Variants in TMEM232 observed in about 807,000 individuals in gnomAD.
TMEM232 encodes the protein transmembrane protein 232.
A neutral mutation model predicts 78.8 loss-of-function variants in TMEM232; 80 were observed. That is an observed-to-expected ratio of 1.01 (90% CI 0.85 to 1.22). The LOEUF is 1.22. TMEM232 is among the 50% of genes most tolerant of loss of function. TMEM232 has a pLI of 0.00. For missense variants in TMEM232, 881 were observed against 742.2 expected, an observed-to-expected ratio of 1.19 and a Z score of -2.17; for synonymous variants, 297 against 254.3, an observed-to-expected ratio of 1.17 and a Z score of -1.60.
In TMEM232 at chr5:110,518,980, T is replaced by C. The variant is rs143974548; in HGVS notation, c.1703+9608A>G. Among the ~76,000 whole-genome samples the C allele has an allele frequency of 8.0e-3, 1,186 of 147,934 alleles. 10 individuals are homozygous for C. The highest frequency in any genetic ancestry group is 9.1e-3 in the Non-Finnish European group (608 of 66,736). ...AAATAGATTTAGCATCTAGCTAAAC[T>C]AGCTAAGGTGAATAAAAAGAAAAAA... On this transcript the variant is annotated intron_variant, in intron 12 of 13. Coordinates refer to ENST00000455884, the MANE Select transcript of TMEM232 (RefSeq NM_001039763.4).
intron 12 of TMEM232, chr5:110,429,845 A>C (rs1183053651): frequency 6.6e-6 from 1 of 151,784 alleles, no homozygotes; most frequent in Non-Finnish European, 1.5e-5. Flanking sequence ...GATTTCAAAC[A>C]CAACTTGTTC....
intron 12 of TMEM232, among the ~76,000 whole-genome samples, chr5:110,507,351 C>T (rs551815114): frequency 1.3e-5 from 2 of 152,314 alleles, no homozygotes; most frequent in East Asian, 3.9e-4. Flanking sequence ...GCAAGTGCTA[C>T]ATGATGACTG....
intron 12 of TMEM232, among the ~76,000 whole-genome samples, chr5:110,442,646 T>C (rs1296660084): frequency 6.6e-6 from 1 of 152,088 alleles, no homozygotes; most frequent in Non-Finnish European, 1.5e-5. Context: ...GTTTGTTTGC[T>C]GAAGTCACAG....
At chr5:110,658,048 G>A (rs1789323951) in intron 2 of TMEM232, among the ~76,000 whole-genome samples, 1 of 152,072 alleles carries the variant, frequency 6.6e-6, no homozygotes, top group African/African-American at 2.4e-5. Flanking sequence ...GAATGTTTGA[G>A]GAATTCAGGG....
chr5:110,737,413 G>C (rs1055197037), intron 1 of TMEM232, among the ~76,000 whole-genome samples: 5 of 152,012 alleles, frequency 3.3e-5, no homozygotes, highest in African/African-American at 1.2e-4. Flanking sequence ...CTAAGATTTT[G>C]GAGTCAAAAA....
At chr5:110,666,241 T>C (rs1308449727) in intron 2 of TMEM232, among the ~76,000 whole-genome samples, 1 of 152,184 alleles carries the variant, frequency 6.6e-6, no homozygotes, top group Non-Finnish European at 1.5e-5. Flanking sequence ...CTGAAAAAGA[T>C]TATACTCCAT....
intron 12 of TMEM232, among the ~76,000 whole-genome samples, chr5:110,490,500 C>G (rs1038825732): frequency 2.6e-5 from 4 of 152,120 alleles, no homozygotes; most frequent in African/African-American, 7.2e-5. Context: ...TTTGGAGAAA[C>G]TGGCAAGTTG....
intron 10 of TMEM232, among the ~76,000 whole-genome samples, chr5:110,595,918 A>G (rs950848192): frequency 8.5e-5 from 13 of 152,186 alleles, no homozygotes; most frequent in African/African-American, 3.1e-4. Flanking sequence ...TTCAGGAAAT[A>G]CAGAGAACAC....
chr5:110,528,279 CAT>C (rs1770902013), intron 12 of TMEM232, among the ~76,000 whole-genome samples: 2 of 151,648 alleles, frequency 1.3e-5, no homozygotes, highest in Admixed American at 6.6e-5. Flanking sequence ...TGTATATAAA[CAT>C]AAAATAGGGT....
At chr5:110,518,317 T>C (rs1362495288) in intron 12 of TMEM232, among the ~76,000 whole-genome samples, 2 of 152,200 alleles carry the variant, frequency 1.3e-5, no homozygotes, top group East Asian at 3.9e-4. Flanking sequence ...TCTTCAACTG[T>C]CCATGACACA....
chr5:110,606,596 C>T (rs1781570064), intron 8 of TMEM232, among the ~76,000 whole-genome samples: 1 of 151,792 alleles, frequency 6.6e-6, no homozygotes, highest in Non-Finnish European at 1.5e-5. Context: ...CTAGAGTACC[C>T]CCAAAAACTC....
chr5:110,708,258 T>A (rs1361581401), intron 1 of TMEM232, among the ~76,000 whole-genome samples: 1 of 152,078 alleles, frequency 6.6e-6, no homozygotes, highest in Non-Finnish European at 1.5e-5. Flanking sequence ...ATCCTTCAAG[T>A]ATGAAGAAGA....
At chr5:110,683,448 T>C (rs17132268) in intron 1 of TMEM232, among the ~76,000 whole-genome samples, 12,989 of 151,920 alleles carry the variant, frequency 0.085, 575 homozygotes, top group Admixed American at 0.12. Flanking sequence ...CATGTGATTC[T>C]CTTAGATGTT....
chr5:110,660,991 C>T (rs2150102714), intron 2 of TMEM232, among the ~76,000 whole-genome samples: 1 of 152,296 alleles, frequency 6.6e-6, no homozygotes, highest in Middle Eastern at 3.4e-3. Flanking sequence ...TTCCCCACTT[C>T]TTCACCCTTC....
At chr5:110,610,683 T>G in intron 8 of TMEM232, 1 of 385,718 alleles carries the variant, frequency 2.6e-6, no homozygotes, top group South Asian at 1.9e-5. Context: ...GACTGAAAAT[T>G]AAACATATAA....
Position 110,453,092 on chromosome 5 carries a change from T to A in TMEM232, c.1704-28176A>T, listed in dbSNP as rs1054766581. On this transcript the variant is annotated intron_variant, in intron 12 of 13. Transcript: ENST00000455884. The stretch of plus-strand genomic sequence containing the variant: ...AGTGACAGTGATACCAGGAAGATAA[T>A]TGCTATTCCTTGTTAACAGTTTCAT... Among the ~76,000 whole-genome samples the A allele has an allele frequency of 4.6e-5, 7 of 152,266 alleles. No homozygotes were observed. In the East Asian group the frequency reaches 1.2e-3, roughly 25 times the overall value.
At chr5:110,475,840 C>CA (rs550415312) in intron 12 of TMEM232, among the ~76,000 whole-genome samples, 178 of 152,046 alleles carry the variant, frequency 1.2e-3, no homozygotes, top group Non-Finnish European at 1.8e-3. Flanking sequence ...GTACAGCAAA[C>CA]AATCCTTGAG....
At chr5:110,441,198 T>G (rs186226692) in intron 12 of TMEM232, among the ~76,000 whole-genome samples, 1 of 152,246 alleles carries the variant, frequency 6.6e-6, no homozygotes, top group Admixed American at 6.5e-5. Context: ...CTGTACCTTG[T>G]GAGACATTTA....
chr5:110,647,817 C>T (rs1471582344), intron 2 of TMEM232, among the ~76,000 whole-genome samples: 6 of 151,944 alleles, frequency 3.9e-5, no homozygotes, highest in South Asian at 2.1e-4. Flanking sequence ...CAGCCTTATA[C>T]ACTGATCTAA....
Sources: gnomAD v4.1 joint callset for allele counts (sites outside exome capture counted in the v4.1 genomes callset) on GRCh38, gnomAD v4.1.1 for gene constraint, MANE v1.5 for transcripts, NCBI Gene and HGNC (gene_info 2026-07-23, HGNC 2026-07-21) for gene names.